The following BCLAF1 variants were observed in gnomAD, a reference collection of about 807,000 sequenced individuals.
BCLAF1 encodes the protein bcl-2-associated transcription factor 1.
A neutral mutation model predicts 99.5 loss-of-function variants in BCLAF1; 10 were observed. The observed-to-expected ratio is 0.10, with a 90% CI of 0.06 to 0.17. The LOEUF (loss-of-function observed/expected upper bound fraction) is 0.17. BCLAF1 is among the 10% of genes least tolerant of loss of function. The pLI, the probability that BCLAF1 is intolerant of heterozygous loss-of-function variation, is 1.00. For synonymous variants in BCLAF1, 255 were observed against 370.9 expected (o/e 0.69, Z 3.59); for missense variants, 636 against 1,105.8 (o/e 0.58, Z 6.02).
chr6:136,261,078 T>G lies in BCLAF1; in HGVS notation c.*32A>C, dbSNP rs1412903595. ...AGGTAAAAAAAATGGTGGGTGCAAG[T>G]TCTGCTCTGTTGTAATCTTACTTCA... On this transcript the variant is annotated 3_prime_UTR_variant, in exon 13 of 13. Coordinates refer to ENST00000531224, the MANE Select transcript of BCLAF1 (RefSeq NM_014739.3). 2 of 1,553,540 alleles carry G rather than the reference T, an allele frequency of 1.3e-6. No homozygotes were observed. The highest frequency in any genetic ancestry group is 1.7e-6 in the Non-Finnish European group (2 of 1,150,834).
At chr6:136,281,275 T>C (rs1222731331) in intron 2 of BCLAF1, among the ~76,000 whole-genome samples, 3 of 152,174 alleles carry the variant, frequency 2.0e-5, no homozygotes, top group Non-Finnish European at 1.5e-5. Flanking sequence ...AAAGGCAAAG[T>C]AAGAATTCCA....
chr6:136,271,088 T>C (rs1782464814), intron 8 of BCLAF1, among the ~76,000 whole-genome samples: 1 of 151,748 alleles, frequency 6.6e-6, no homozygotes, highest in Non-Finnish European at 1.5e-5. Context: ...CCATAACAGC[T>C]TCTAGTAACA....
At chr6:136,280,461 C>T (rs1385870707) in intron 2 of BCLAF1, among the ~76,000 whole-genome samples, 1 of 152,090 alleles carries the variant, frequency 6.6e-6, no homozygotes, top group African/African-American at 2.4e-5. Flanking sequence ...CATGGCTCTG[C>T]TCTCAGTACT....
chr6:136,266,623 C>T (rs553576566), intron 11 of BCLAF1, among the ~76,000 whole-genome samples: 3 of 152,128 alleles, frequency 2.0e-5, no homozygotes, highest in Non-Finnish European at 2.9e-5. Flanking sequence ...CTTAATTACA[C>T]GTACTTTGAA....
intron 3 of BCLAF1, among the ~76,000 whole-genome samples, chr6:136,278,994 A>ACAC (rs1554219524): frequency 0.017 from 2,411 of 145,484 alleles, 36 homozygotes; most frequent in Non-Finnish European, 0.025. Context: ...GAAGGCACAA[A>ACAC]ACACACACAC....
rs555445230 is a variant in BCLAF1, at chr6:136,279,894, CA to C, written c.-10-19del. 39 of 1,439,692 alleles carry C rather than the reference CA, an allele frequency of 2.7e-5. No individual in the cohort carries two copies. The highest frequency in any genetic ancestry group is 1.2e-4 in the Admixed American group (5 of 40,038). The allele number at this position is 1,439,692 out of a possible 1,614,324, so 89.2% of individuals were successfully genotyped here. A position where few individuals can be genotyped will look rare whatever the true frequency, so the allele number is the denominator to read the frequency against. On this transcript the variant is annotated intron_variant, in intron 2 of 12. Transcript: ENST00000531224. ...CTTTTCTCCTAATCAAATGATAGGG[CA>C]AAAAAAGGTTAAAATTACAATATGA...
intron 1 of BCLAF1, among the ~76,000 whole-genome samples, chr6:136,284,158 A>ATATATATATATATC (rs1421101274): frequency 5.6e-5 from 8 of 143,988 alleles, no homozygotes; most frequent in African/African-American, 1.5e-4. Flanking sequence ...ATATATATAT[A>ATATATATATATATC]TCCAGAGAAG....
At chr6:136,277,251 T>C (rs1783558940) in intron 4 of BCLAF1, among the ~76,000 whole-genome samples, 1 of 152,218 alleles carries the variant, frequency 6.6e-6, no homozygotes, top group Non-Finnish European at 1.5e-5. Flanking sequence ...ACCTTTTGTA[T>C]AGTCAGGCTG....
At chr6:136,276,596 AG>A in intron 4 of BCLAF1, 88 bp from the exon 5 acceptor site, 1 of 1,419,946 alleles carries the variant, frequency 7.0e-7, no homozygotes, top group Non-Finnish European at 9.3e-7. Flanking sequence ...CCAATCCCTC[AG>A]GACCAGCAAG....
chr6:136,263,071 T>G (rs747047903), intron 11 of BCLAF1, among the ~76,000 whole-genome samples: 8 of 152,202 alleles, frequency 5.3e-5, no homozygotes, highest in Non-Finnish European at 1.0e-4. Context: ...CTGGCCCTGT[T>G]CTGAACACTT....
At chr6:136,284,158 A>ATATATATATATATATC (rs1421101274) in intron 1 of BCLAF1, among the ~76,000 whole-genome samples, 2 of 143,986 alleles carry the variant, frequency 1.4e-5, no homozygotes, top group African/African-American at 5.1e-5. Context: ...ATATATATAT[A>ATATATATATATATATC]TCCAGAGAAG....
intron 1 of BCLAF1, among the ~76,000 whole-genome samples, chr6:136,287,852 CT>C (rs1785359478): frequency 6.6e-6 from 1 of 152,272 alleles, no homozygotes; most frequent in South Asian, 2.1e-4. Context: ...GAAACTCCGT[CT>C]CTACTAAAAA....
At chr6:136,264,001 G>A (rs1375988429) in intron 11 of BCLAF1, among the ~76,000 whole-genome samples, 2 of 152,098 alleles carry the variant, frequency 1.3e-5, no homozygotes, top group Admixed American at 1.3e-4. Context: ...TGACTCTGGA[G>A]CCCAATGCAT....
rs527893125 is a variant in BCLAF1 at position 136,278,811 on chromosome 6, A to G, written c.105-35T>C. Reference sequence around the variant, plus strand: ...AAATAAATATCAATGCAAGAAAAATAAAGTATTCCATGCTACCATTCTAAA... The same window carrying G: ...AAATAAATATCAATGCAAGAAAAATGAAGTATTCCATGCTACCATTCTAAA... On this transcript the variant is annotated intron_variant, in intron 3 of 12. Coordinates refer to ENST00000531224, the MANE Select transcript of BCLAF1 (RefSeq NM_014739.3). 1.2e-4 allele frequency: 171 copies of G among 1,463,500 alleles called. 3 individuals carry two copies. In the South Asian group the frequency reaches 2.2e-3, roughly 19 times the overall value. The allele number at this position is 1,463,500 out of a possible 1,614,324, so 90.7% of individuals were successfully genotyped here. A position where few individuals can be genotyped will look rare whatever the true frequency, so the allele number is the denominator to read the frequency against.
intron 1 of BCLAF1, among the ~76,000 whole-genome samples, chr6:136,284,234 T>C (rs1008227951): frequency 1.3e-5 from 2 of 150,586 alleles, no homozygotes; most frequent in South Asian, 2.1e-4. Flanking sequence ...AAACACTAGA[T>C]ATAAAAAACT....
At chr6:136,282,966 T>C (rs111522154) in intron 1 of BCLAF1, among the ~76,000 whole-genome samples, 1,896 of 152,120 alleles carry the variant, frequency 0.012, 39 homozygotes, top group African/African-American at 0.042. Flanking sequence ...ACATATGATA[T>C]GTCGTTCCAT....
chr6:136,263,432 C>T (rs1049092669), intron 11 of BCLAF1, among the ~76,000 whole-genome samples: 3 of 152,140 alleles, frequency 2.0e-5, no homozygotes, highest in African/African-American at 4.8e-5. Flanking sequence ...TTTCGTAGGG[C>T]ATCCTGGCAG....
intron 11 of BCLAF1, among the ~76,000 whole-genome samples, chr6:136,264,615 T>C (rs1781469073): frequency 6.6e-6 from 1 of 152,242 alleles, no homozygotes; most frequent in South Asian, 2.1e-4. Flanking sequence ...ACTTTTCTTC[T>C]GAATCATATT....
At chr6:136,282,903 C>T (rs2128489430) in intron 1 of BCLAF1, among the ~76,000 whole-genome samples, 1 of 152,192 alleles carries the variant, frequency 6.6e-6, no homozygotes, top group African/African-American at 2.4e-5. Context: ...ATGAAACTGA[C>T]AGCATCTTTT....
Sources: allele counts gnomAD v4.1 joint callset (sites outside exome capture counted in the v4.1 genomes callset), GRCh38; gene constraint gnomAD v4.1.1; transcripts MANE v1.5; gene names NCBI Gene and HGNC (gene_info 2026-07-23, HGNC 2026-07-21).